Variants in CPVL observed in about 807,000 individuals in gnomAD.
CPVL encodes the protein probable serine carboxypeptidase CPVL.
In CPVL, 51 loss-of-function variants were observed where a neutral mutation model predicts 63.7. The observed-to-expected ratio is 0.80, with a 90% confidence interval of 0.64 to 1.01. The LOEUF (loss-of-function observed/expected upper bound fraction) is 1.01. CPVL is among the 50% of genes least tolerant of loss of function. CPVL has a pLI of 0.00. For missense variants in CPVL, 530 were observed against 573.1 expected (o/e 0.92, Z 0.77); for synonymous variants, 195 against 206.0 (o/e 0.95, Z 0.46).
At chr7:29,025,666 A>T (rs1380006436) in intron 12 of CPVL, among the ~76,000 whole-genome samples, 1 of 152,258 alleles carries the variant, frequency 6.6e-6, no homozygotes, top group African/African-American at 2.4e-5. Flanking sequence ...TATTCCATGT[A>T]AACAGAAACC....
At chr7:29,031,057 G>A (rs912904176) in intron 11 of CPVL, among the ~76,000 whole-genome samples, 2 of 152,188 alleles carry the variant, frequency 1.3e-5, no homozygotes, top group African/African-American at 4.8e-5. Context: ...TGTTAAGAAG[G>A]AAGACTGTGG....
chr7:29,111,598 G>A (rs1057274630), intron 3 of CPVL, among the ~76,000 whole-genome samples: 2 of 152,314 alleles, frequency 1.3e-5, no homozygotes, highest in South Asian at 2.1e-4. Context: ...TGAGCCCAAC[G>A]ACAAAGGATC....
At chr7:29,079,867 G>A (rs1395040775) in intron 7 of CPVL, among the ~76,000 whole-genome samples, 1 of 152,166 alleles carries the variant, frequency 6.6e-6, no homozygotes, top group Non-Finnish European at 1.5e-5. Flanking sequence ...CAAACATGTT[G>A]AGAGTCCACC....
At chr7:29,050,603 C>A (rs941118676) in intron 11 of CPVL, among the ~76,000 whole-genome samples, 2 of 151,856 alleles carry the variant, frequency 1.3e-5, no homozygotes, top group African/African-American at 4.8e-5. Context: ...ATAAACAAGA[C>A]AAATAGAAAC....
At position 29,188,812 on chromosome 7, in the gene CPVL, T is replaced by C. The variant is rs201953789; in HGVS notation, c.-447-2265A>G. The stretch of plus-strand genomic sequence containing the variant: ...AGAAAGTCGTCACCGGCATGGATAA[T>C]AGCTATAATTCCCAAACAGAAATCA... On this transcript the variant is annotated intron_variant, in intron 1 of 16. Coordinates refer to the CPVL transcript ENST00000409850. Among the ~76,000 whole-genome samples the C allele has an allele frequency of 3.9e-5, 6 of 152,190 alleles. No homozygotes were observed. The East Asian group carries it at 9.6e-4, about 24-fold the overall frequency.
At chr7:29,107,088 G>C (rs1001125530) in intron 3 of CPVL, among the ~76,000 whole-genome samples, 2 of 152,196 alleles carry the variant, frequency 1.3e-5, no homozygotes, top group African/African-American at 4.8e-5. Context: ...TCAGCCATGG[G>C]GCTGTTTGAG....
At position 29,103,186 on chromosome 7, in the gene CPVL, G is replaced by GGC. The variant is rs1554339889; in HGVS notation, c.289-6970_289-6969insGC. Reference sequence around the variant, plus strand: ...AAACAGTAAGTTAATATACTGGGGGGGGGGGGGGGGTGCTAAAAACTTGCC... The same window carrying GGC: ...AAACAGTAAGTTAATATACTGGGGGGGCGGGGGGGGGGTGCTAAAAACTTGCC... On this transcript the variant is annotated intron_variant, in intron 3 of 12. Coordinates refer to ENST00000265394, the MANE Select transcript of CPVL (RefSeq NM_031311.5). Among the ~76,000 whole-genome samples, 8 of 128,084 alleles carry GGC rather than the reference G, an allele frequency of 6.2e-5. 1 individual carries two copies. The highest frequency in any genetic ancestry group is 1.3e-4 in the Non-Finnish European group (8 of 62,666). 84.0% of individuals were successfully genotyped at this position (128,084 alleles called of 152,430 possible). A position where few individuals can be genotyped will look rare whatever the true frequency, so the allele number is the denominator to read the frequency against.
upstream of CPVL, among the ~76,000 whole-genome samples, chr7:29,151,451 G>A (rs1457685965): frequency 6.6e-6 from 1 of 152,100 alleles, no homozygotes; most frequent in Admixed American, 6.5e-5. Flanking sequence ...ATAAGACTTC[G>A]GTGATTTAAG....
At chr7:29,141,038 T>C (rs892810881) in intron 1 of CPVL, among the ~76,000 whole-genome samples, 1 of 152,036 alleles carries the variant, frequency 6.6e-6, no homozygotes, top group Non-Finnish European at 1.5e-5. Flanking sequence ...GTTCAAGAAG[T>C]TGGGTGAAAA....
At position 29,163,545 on chromosome 7, in the gene CPVL, A is replaced by AT. The variant is rs897091929; in HGVS notation, c.-11+17744dup. Among the ~76,000 whole-genome samples the AT allele has an allele frequency of 5.3e-5, 8 of 151,186 alleles. No homozygotes were observed. The South Asian group carries it at 6.3e-4, about 12-fold the overall frequency. Reference sequence around the variant, plus strand: ...AATTATTACCTAAGAGACAATATCCATTTTTTTTTACAATCTTATTAAGGT... The same window carrying AT: ...AATTATTACCTAAGAGACAATATCCATTTTTTTTTTACAATCTTATTAAGGT... On this transcript the variant is annotated intron_variant, in intron 5 of 16. Transcript: ENST00000409850.
At chr7:29,041,810 A>G (rs1331403674) in intron 11 of CPVL, among the ~76,000 whole-genome samples, 1 of 152,058 alleles carries the variant, frequency 6.6e-6, no homozygotes, top group African/African-American at 2.4e-5. Context: ...AAGACTCAGT[A>G]CAAAGAAAAG....
chr7:29,077,257 T>C (rs1003308251), intron 7 of CPVL, among the ~76,000 whole-genome samples: 2 of 152,138 alleles, frequency 1.3e-5, no homozygotes, highest in African/African-American at 4.8e-5. Flanking sequence ...GTTACTATTG[T>C]TTCAGCTACT....
intron 11 of CPVL, among the ~76,000 whole-genome samples, chr7:29,049,927 TCTCA>T (rs2128172366): frequency 6.6e-6 from 1 of 152,326 alleles, no homozygotes; most frequent in East Asian, 1.9e-4. Context: ...CACATGATCA[TCTCA>T]ACAGATGCAG....
intron 11 of CPVL, among the ~76,000 whole-genome samples, chr7:29,047,691 A>T (rs2128170532): frequency 6.6e-6 from 1 of 152,306 alleles, no homozygotes; most frequent in Non-Finnish European, 1.5e-5. Context: ...CACAAAGAAC[A>T]CCTGGGAAAT....
Position 29,128,631 on chromosome 7 carries a change from G to A in CPVL, c.-10-7560C>T, listed in dbSNP as rs551972207. 7.4e-5 allele frequency among the ~76,000 whole-genome samples: 11 copies of A among 149,294 alleles called. No individual in the cohort carries two copies. In the South Asian group the frequency reaches 1.7e-3, roughly 23 times the overall value. ...CTCATGAGGTTGAGGCAGGGGAATCGCTTGAACCCAGGAGGTGGAGGTTGC... is the reference window on the plus strand; with the variant it reads ...CTCATGAGGTTGAGGCAGGGGAATCACTTGAACCCAGGAGGTGGAGGTTGC... On this transcript the variant is annotated intron_variant, in intron 1 of 12. Transcript: ENST00000265394.
chr7:29,194,839 C>A, intron 1 of CPVL: 1 of 1,118,842 alleles, frequency 8.9e-7, no homozygotes, highest in Non-Finnish European at 1.2e-6. Context: ...CAGGACTTTG[C>A]CATGGGCTGG....
At chr7:29,007,527 C>T (rs1785312799) in intron 12 of CPVL, among the ~76,000 whole-genome samples, 1 of 152,162 alleles carries the variant, frequency 6.6e-6, no homozygotes, top group South Asian at 2.1e-4. Context: ...GAAATTTCTA[C>T]AACTCCTTTT....
chr7:29,088,745 G>A (rs576214819), intron 6 of CPVL, among the ~76,000 whole-genome samples: 4 of 152,138 alleles, frequency 2.6e-5, no homozygotes, highest in Non-Finnish European at 4.4e-5. Context: ...GGGAGGCCGA[G>A]GCGGGCAGAT....
chr7:29,183,716 G>C (rs1798353650), intron 4 of CPVL, among the ~76,000 whole-genome samples: 2 of 152,200 alleles, frequency 1.3e-5, no homozygotes, highest in East Asian at 3.9e-4. Flanking sequence ...ATTCTCTAGA[G>C]AAAGAGAACC....
Sources: allele counts gnomAD v4.1 joint callset (sites outside exome capture counted in the v4.1 genomes callset), GRCh38; gene constraint gnomAD v4.1.1; transcripts MANE v1.5; gene names NCBI Gene and HGNC (gene_info 2026-07-23, HGNC 2026-07-21).